Variants in CACNA1C observed in about 807,000 individuals in gnomAD.
CACNA1C encodes the protein calcium voltage-gated channel subunit alpha1 C.
In CACNA1C, 30 loss-of-function variants were observed where a neutral mutation model predicts 229.0. That is an observed-to-expected ratio of 0.13 (90% CI 0.10 to 0.18). The LOEUF (loss-of-function observed/expected upper bound fraction) is 0.18, where lower values mean the gene tolerates loss of function less well. Among genes scored for constraint, CACNA1C ranks in the 10% least tolerant of loss-of-function variants. The pLI is 1.00. For synonymous variants in CACNA1C, 1,114 were observed against 1,132.5 expected (o/e 0.98, Z 0.33); for missense variants, 1,658 against 2,845.0 (o/e 0.58, Z 9.49).
chr12:2,668,249 C>T (rs919596723), intron 37 of CACNA1C, among the ~76,000 whole-genome samples: 2 of 152,088 alleles, frequency 1.3e-5, no homozygotes, highest in African/African-American at 2.4e-5. Flanking sequence ...TCGAGCAGGG[C>T]GCAAAGTTGG....
intron 3 of CACNA1C, among the ~76,000 whole-genome samples, chr12:2,347,087 C>G (rs533878638): frequency 9.2e-5 from 14 of 152,194 alleles, no homozygotes; most frequent in Non-Finnish European, 1.9e-4. Flanking sequence ...TGTTATAATT[C>G]TTTGCTCCCC....
chr12:2,159,894 G>A (rs939661462), intron 3 of CACNA1C, among the ~76,000 whole-genome samples: 3 of 152,304 alleles, frequency 2.0e-5, no homozygotes, highest in African/African-American at 4.8e-5. Flanking sequence ...GTGAGCCACC[G>A]CTCCTGGCCT....
intron 1 of CACNA1C, among the ~76,000 whole-genome samples, chr12:2,106,514 T>A (rs12819085): frequency 1.2e-5 from 1 of 82,626 alleles, no homozygotes. Flanking sequence ...CTCAGCTGGG[T>A]GTCCTGAAGC....
chr12:2,039,487 A>T (rs1424533794), intron 1 of CACNA1C, among the ~76,000 whole-genome samples: 1 of 152,238 alleles, frequency 6.6e-6, no homozygotes, highest in African/African-American at 2.4e-5. Flanking sequence ...TATTCATCAG[A>T]TGTTTATTAA....
chr12:2,573,106 G>A (rs768539564), intron 13 of CACNA1C, among the ~76,000 whole-genome samples: 2 of 151,838 alleles, frequency 1.3e-5, no homozygotes, highest in East Asian at 1.9e-4. Flanking sequence ...CTGGAGTGTG[G>A]TAGCATAATC....
chr12:2,680,316 C>G, intron 42 of CACNA1C: 1 of 1,382,448 alleles, frequency 7.2e-7, no homozygotes, highest in Non-Finnish European at 9.8e-7. Flanking sequence ...GTACCTCTTA[C>G]TCCTGACTCA....
intron 3 of CACNA1C, among the ~76,000 whole-genome samples, chr12:2,153,736 C>T (rs2095414057): frequency 6.6e-6 from 1 of 152,206 alleles, no homozygotes; most frequent in South Asian, 2.1e-4. Context: ...GGGGAAAAGG[C>T]TCTCCTCATT....
intron 3 of CACNA1C, among the ~76,000 whole-genome samples, chr12:2,358,251 CTGTGTGTGTG>C (rs57191390): frequency 0.2 from 27,061 of 135,704 alleles, 2,898 homozygotes; most frequent in East Asian, 0.3. Context: ...CGGCGTCCTC[CTGTGTGTGTG>C]TGTGTGTGTG....
intron 3 of CACNA1C, among the ~76,000 whole-genome samples, chr12:2,411,258 G>A (rs1446955312): frequency 6.6e-6 from 1 of 152,136 alleles, no homozygotes. Context: ...GAGCTGCAAT[G>A]AAGGCAGGCC....
At chr12:2,203,454 A>G (rs12422554) in intron 3 of CACNA1C, among the ~76,000 whole-genome samples, 2 of 151,844 alleles carry the variant, frequency 1.3e-5, no homozygotes, top group African/African-American at 4.8e-5. Flanking sequence ...GCATTCAATT[A>G]CCCACCCAGG....
chr12:1,973,829 G>A (rs1281332887), intron 1 of CACNA1C, among the ~76,000 whole-genome samples: 1 of 152,096 alleles, frequency 6.6e-6, no homozygotes, highest in Non-Finnish European at 1.5e-5. Flanking sequence ...ATTTTCATTT[G>A]TTCATAATCT....
At chr12:2,007,615 A>C (rs981970327) in intron 1 of CACNA1C, among the ~76,000 whole-genome samples, 1 of 152,230 alleles carries the variant, frequency 6.6e-6, no homozygotes, top group Non-Finnish European at 1.5e-5. Flanking sequence ...GGAAAATTTC[A>C]CATATGTGAA....
chr12:2,670,808 G>A (rs931789261), intron 38 of CACNA1C, among the ~76,000 whole-genome samples: 12 of 151,284 alleles, frequency 7.9e-5, no homozygotes, highest in East Asian at 5.9e-4. Flanking sequence ...GCAGTGAGCC[G>A]AGATCACCCC....
At chr12:2,389,967 TGAGGA>T (rs1342049266) in intron 3 of CACNA1C, among the ~76,000 whole-genome samples, 1 of 152,220 alleles carries the variant, frequency 6.6e-6, no homozygotes, top group Admixed American at 6.5e-5. Context: ...ACTCCCAGGC[TGAGGA>T]AATTAAAGTA....
chr12:2,383,756 C>G (rs963350659), intron 3 of CACNA1C, among the ~76,000 whole-genome samples: 5 of 152,142 alleles, frequency 3.3e-5, no homozygotes, highest in Non-Finnish European at 7.3e-5. Context: ...AGTGAAGTAC[C>G]CTTTGCCCCA....
intron 13 of CACNA1C, among the ~76,000 whole-genome samples, chr12:2,580,664 A>G (rs1242572272): frequency 6.6e-6 from 1 of 152,128 alleles, no homozygotes; most frequent in Non-Finnish European, 1.5e-5. Flanking sequence ...TGTCATGAGA[A>G]AGGGATTTTC....
intron 3 of CACNA1C, among the ~76,000 whole-genome samples, chr12:2,197,349 T>C (rs566596684): frequency 6.6e-6 from 1 of 152,322 alleles, no homozygotes; most frequent in Non-Finnish European, 1.5e-5. Flanking sequence ...GCATCTTGTG[T>C]CCACTGGATC....
At chr12:2,425,927 C>G (rs1213419116) in intron 3 of CACNA1C, among the ~76,000 whole-genome samples, 1 of 152,130 alleles carries the variant, frequency 6.6e-6, no homozygotes, top group African/African-American at 2.4e-5. Flanking sequence ...GAGGGGTCTT[C>G]CTTGCTTTGG....
chr12:2,301,917 G>C (rs924320860), intron 3 of CACNA1C, among the ~76,000 whole-genome samples: 2 of 152,214 alleles, frequency 1.3e-5, no homozygotes, highest in Non-Finnish European at 2.9e-5. Flanking sequence ...TCGTGGGCAG[G>C]CTTTGCAATT....
Sources: allele counts gnomAD v4.1 joint callset (sites outside exome capture counted in the v4.1 genomes callset), GRCh38; gene constraint gnomAD v4.1.1; transcripts MANE v1.5; gene names NCBI Gene and HGNC (gene_info 2026-07-23, HGNC 2026-07-21).